The following ZNF536 variants were observed in gnomAD, a reference collection of about 807,000 sequenced individuals.
ZNF536 encodes the protein zinc finger protein 536.
A neutral mutation model predicts 84.5 loss-of-function variants in ZNF536; 13 were observed. The observed-to-expected ratio is 0.15, with a 90% CI of 0.10 to 0.24. The LOEUF (loss-of-function observed/expected upper bound fraction) is 0.24, where lower values mean the gene tolerates loss of function less well. Among genes scored for constraint, ZNF536 ranks in the 10% least tolerant of loss-of-function variants. The pLI, the probability that ZNF536 is intolerant of heterozygous loss-of-function variation, is 1.00. For synonymous variants in ZNF536, 811 were observed against 742.5 expected (o/e 1.09, Z -1.50); for missense variants, 1,536 against 1,747.5 (o/e 0.88, Z 2.16).
At chr19:30,560,441 C>A (rs954472409), downstream of ZNF536, among the ~76,000 whole-genome samples, 1 of 152,190 alleles carries the variant, frequency 6.6e-6, no homozygotes, top group African/African-American at 2.4e-5. Flanking sequence ...AAGCCACCAC[C>A]CATCCACATG....
intron 1 of ZNF536, among the ~76,000 whole-genome samples, chr19:30,690,272 C>A (rs1037126021): frequency 6.6e-6 from 1 of 152,160 alleles, no homozygotes; most frequent in Non-Finnish European, 1.5e-5. Context: ...TCTAGCAAAA[C>A]AAAGGTCCAG....
At chr19:30,253,914 T>G (rs2024764774) in intron 1 of ZNF536, among the ~76,000 whole-genome samples, 1 of 152,154 alleles carries the variant, frequency 6.6e-6, no homozygotes, top group Non-Finnish European at 1.5e-5. Flanking sequence ...CCCAACCCGA[T>G]GCTTCATTTC....
chr19:30,365,577 G>A (rs575708326), intron 3 of ZNF536, among the ~76,000 whole-genome samples: 1 of 152,182 alleles, frequency 6.6e-6, no homozygotes, highest in Non-Finnish European at 1.5e-5. Flanking sequence ...CGAAGCCCAC[G>A]TCTGCTTCAG....
At chr19:30,666,000 G>A (rs2050302169) in intron 1 of ZNF536, among the ~76,000 whole-genome samples, 1 of 152,218 alleles carries the variant, frequency 6.6e-6, no homozygotes. Context: ...TGGGGTCCAG[G>A]CTGGGGCCCC....
chr19:30,236,811 T>G (rs1353939061), intron 1 of ZNF536, among the ~76,000 whole-genome samples: 2 of 152,120 alleles, frequency 1.3e-5, no homozygotes, highest in African/African-American at 4.8e-5. Flanking sequence ...TGGCTTGTCC[T>G]TTGGAGGGGG....
intron 1 of ZNF536, among the ~76,000 whole-genome samples, chr19:30,257,273 T>C (rs2024959684): frequency 6.6e-6 from 1 of 152,228 alleles, no homozygotes; most frequent in Admixed American, 6.5e-5. Context: ...ATTTTGCAAA[T>C]GCGGAAGACT....
At chr19:30,295,299 C>T (rs751975184) in intron 2 of ZNF536, among the ~76,000 whole-genome samples, 7 of 151,170 alleles carry the variant, frequency 4.6e-5, no homozygotes, top group Non-Finnish European at 5.9e-5. Flanking sequence ...CCAATCAAAT[C>T]AGGACTTGCC....
At chr19:30,433,231 C>T (rs953445937) in intron 1 of ZNF536, among the ~76,000 whole-genome samples, 3 of 152,198 alleles carry the variant, frequency 2.0e-5, no homozygotes, top group African/African-American at 7.2e-5. Flanking sequence ...CCTTCCTTCC[C>T]TTCTCTCTCC....
At chr19:30,410,160 GA>G (rs2050420029) in intron 1 of ZNF536, among the ~76,000 whole-genome samples, 2 of 151,928 alleles carry the variant, frequency 1.3e-5, no homozygotes, top group Non-Finnish European at 2.9e-5. Context: ...GCCATGCTTT[GA>G]AAATGATTTC....
intron 1 of ZNF536, among the ~76,000 whole-genome samples, chr19:30,695,516 G>A (rs1568680314): frequency 6.6e-6 from 1 of 152,188 alleles, no homozygotes; most frequent in Non-Finnish European, 1.5e-5. Context: ...AGGAGTTGGG[G>A]CTTTGGCGGG....
At chr19:30,225,687 T>TGGGG (rs56684430), upstream of ZNF536, among the ~76,000 whole-genome samples, 28 of 84,174 alleles carry the variant, frequency 3.3e-4, no homozygotes, top group African/African-American at 9.7e-4. Flanking sequence ...AAAACAAAGG[T>TGGGG]GGGGGGGGGA....
At chr19:30,584,929 C>G (rs184312740) in intron 1 of ZNF536, among the ~76,000 whole-genome samples, 129 of 152,132 alleles carry the variant, frequency 8.5e-4, no homozygotes, top group African/African-American at 3.0e-3. Context: ...GACCCCCTCT[C>G]TACAAAAATA....
chr19:30,538,421 A>C (rs17222916), intron 3 of ZNF536, among the ~76,000 whole-genome samples: 15,426 of 152,246 alleles, frequency 0.1, 1,078 homozygotes, highest in Non-Finnish European at 0.15. Context: ...ATCATGTAAC[A>C]TCAATGGATA....
intron 2 of ZNF536, among the ~76,000 whole-genome samples, chr19:30,321,896 C>T (rs1052791325): frequency 1.3e-4 from 19 of 151,826 alleles, no homozygotes; most frequent in African/African-American, 4.1e-4. Flanking sequence ...TCCGCCTCAG[C>T]TTCTTGAGTA....
At chr19:30,257,339 A>C (rs1039584379) in intron 1 of ZNF536, among the ~76,000 whole-genome samples, 1 of 152,260 alleles carries the variant, frequency 6.6e-6, no homozygotes, top group Non-Finnish European at 1.5e-5. Context: ...ATTGGCTGTC[A>C]TCAAAAGCCA....
At chr19:30,382,490 C>T (rs962217912) in intron 1 of ZNF536, among the ~76,000 whole-genome samples, 6 of 152,146 alleles carry the variant, frequency 3.9e-5, no homozygotes, top group Middle Eastern at 3.4e-3. Context: ...AAGAAAATAT[C>T]TGCACTTCTT....
intron 1 of ZNF536, among the ~76,000 whole-genome samples, chr19:30,704,892 A>G (rs2052160831): frequency 6.7e-6 from 1 of 148,876 alleles, no homozygotes; most frequent in Non-Finnish European, 1.5e-5. Context: ...AATATGTGAA[A>G]TCCACAGGGA....
intron 2 of ZNF536, among the ~76,000 whole-genome samples, chr19:30,347,818 C>T (rs1229819964): frequency 6.6e-6 from 1 of 152,180 alleles, no homozygotes; most frequent in Non-Finnish European, 1.5e-5. Flanking sequence ...TTGCAAAATG[C>T]TCCTAGCTGC....
intron 2 of ZNF536, among the ~76,000 whole-genome samples, chr19:30,509,884 C>T (rs368122499): frequency 3.6e-4 from 55 of 152,322 alleles, no homozygotes; most frequent in African/African-American, 1.3e-3. Context: ...TTTCTTTCTT[C>T]GTTTTATAGC....
Sources: allele counts gnomAD v4.1 joint callset (sites outside exome capture counted in the v4.1 genomes callset), GRCh38; gene constraint gnomAD v4.1.1; transcripts MANE v1.5; gene names NCBI Gene and HGNC (gene_info 2026-07-23, HGNC 2026-07-21).